Variants in BCAS3 observed in about 807,000 individuals in gnomAD.
BCAS3 encodes BCAS4/BCAS3 fusion.
A neutral mutation model predicts 116.1 loss-of-function variants in BCAS3; 53 were observed. The observed-to-expected ratio is 0.46, with a 90% CI of 0.37 to 0.57. The LOEUF (loss-of-function observed/expected upper bound fraction) is 0.57. Among genes scored for constraint, BCAS3 ranks in the 20% least tolerant of loss-of-function variants. The pLI, the probability that BCAS3 is intolerant of heterozygous loss-of-function variation, is 0.00. For synonymous variants in BCAS3, 391 were observed against 408.2 expected (o/e 0.96, Z 0.51); for missense variants, 917 against 1,165.4 (o/e 0.79, Z 3.10).
chr17:61,123,347 T>C (rs1265972596), intron 22 of BCAS3, among the ~76,000 whole-genome samples: 1 of 152,164 alleles, frequency 6.6e-6, no homozygotes, highest in Non-Finnish European at 1.5e-5. Flanking sequence ...CCAATATCGC[T>C]GTTCCCCCAG....
intron 14 of BCAS3, among the ~76,000 whole-genome samples, chr17:60,966,214 G>A (rs2061652712): frequency 6.6e-6 from 1 of 152,140 alleles, no homozygotes; most frequent in Non-Finnish European, 1.5e-5. Context: ...GTCTATGTGT[G>A]TCTTTATAGG....
chr17:60,846,208 G>T (rs574453497), intron 7 of BCAS3, among the ~76,000 whole-genome samples: 3 of 152,244 alleles, frequency 2.0e-5, no homozygotes, highest in African/African-American at 7.2e-5. Context: ...GGGATTACAG[G>T]CATGAGCCAC....
chr17:61,098,924 A>T lies in BCAS3; in HGVS notation c.2425+14360A>T, dbSNP rs2074142202. 6.6e-6 allele frequency among the ~76,000 whole-genome samples: 1 copy of T among 152,036 alleles called. No homozygotes were observed. The highest frequency in any genetic ancestry group is 1.5e-5 in the Non-Finnish European group (1 of 68,010). On this transcript the variant is annotated intron_variant, in intron 22 of 23. Transcript: ENST00000407086. The surrounding 1 kb of genome is among the most constrained non-coding windows in gnomAD (Gnocchi z 4.2). ...GTGATCACCAGGTCAGGAGATCGAG[A>T]TCATCCTGGCTAACACGGTGAAACC...
intron 7 of BCAS3, among the ~76,000 whole-genome samples, chr17:60,817,298 A>C (rs919869255): frequency 6.6e-6 from 1 of 152,238 alleles, no homozygotes; most frequent in African/African-American, 2.4e-5. Context: ...GTCTTGTGTA[A>C]TAATGTGAGA....
Position 60,863,021 on chromosome 17 carries a change from C to T in BCAS3, c.477-5555C>T, listed in dbSNP as rs570110614. 3.9e-5 allele frequency among the ~76,000 whole-genome samples: 6 copies of T among 152,170 alleles called. No individual in the cohort carries two copies. The East Asian group carries it at 5.8e-4, about 15-fold the overall frequency. On this transcript the variant is annotated intron_variant, in intron 7 of 23. Coordinates refer to ENST00000407086, the MANE Select transcript of BCAS3 (RefSeq NM_017679.5). The stretch of plus-strand genomic sequence containing the variant: ...CAAGAAATAGGTTACAAAGATTTTT[C>T]TCCTGTAGTTTGTCCTTGACACATA...
At chr17:60,881,323 AT>A (rs1192235767) in intron 9 of BCAS3, among the ~76,000 whole-genome samples, 1 of 152,060 alleles carries the variant, frequency 6.6e-6, no homozygotes, top group African/African-American at 2.4e-5. Context: ...TTAAATTTGC[AT>A]TTGTTTTGAT....
At position 60,787,221 on chromosome 17, in the gene BCAS3, A is replaced by G. The variant is rs967047445; in HGVS notation, c.404-20783A>G. ...GTAGTTTGAGTTTTGACAAATGTGT[A>G]TACAGTTGTAATCTATACCCCTGTA... is the stretch of plus-strand genomic sequence containing the variant. On this transcript the variant is annotated intron_variant, in intron 6 of 23. Transcript: ENST00000407086. Among the ~76,000 whole-genome samples, 4 of 152,330 alleles carry G rather than the reference A, an allele frequency of 2.6e-5. No individual in the cohort carries two copies. The East Asian group carries it at 7.7e-4, about 29-fold the overall frequency.
chr17:61,386,803 T>A (rs59467948), intron 23 of BCAS3, among the ~76,000 whole-genome samples: 1 of 148,020 alleles, frequency 6.8e-6, no homozygotes, highest in African/African-American at 2.5e-5. Flanking sequence ...TTTGTTTTTT[T>A]TTTTTTTTTT....
chr17:61,220,813 T>C lies in BCAS3; in HGVS notation c.2425+136249T>C, dbSNP rs1354866407. On this transcript the variant is annotated intron_variant, in intron 22 of 23. Transcript: ENST00000407086. The surrounding 1 kb of genome is among the most constrained non-coding windows in gnomAD (Gnocchi z 4.5). ...ATGTCTGTGTTCCACCTAGAAAGTG[T>C]AGTTCGGCTGGGCGCGGTGGCTCAC... is the stretch of plus-strand genomic sequence containing the variant. Among the ~76,000 whole-genome samples, 1 of 151,972 alleles carries C rather than the reference T, an allele frequency of 6.6e-6. No individual in the cohort carries two copies. Among genetic ancestry groups the C allele is most frequent in the Non-Finnish European group, 1.5e-5 (1 of 67,946 alleles).
rs2049059737 is a variant in BCAS3 at position 61,259,971 on chromosome 17, G to A, written c.2426-108356G>A. Among the ~76,000 whole-genome samples the A allele has an allele frequency of 1.3e-5, 2 of 152,204 alleles. No homozygotes were observed. The highest frequency in any genetic ancestry group is 4.8e-5 in the African/African-American group (2 of 41,444). On this transcript the variant is annotated intron_variant, in intron 22 of 23. Coordinates refer to ENST00000407086, the MANE Select transcript of BCAS3 (RefSeq NM_017679.5). This position sits in a 1 kb window ranked among gnomAD's most constrained non-coding sequence, Gnocchi z 4.7. ...GTGTGAGGTAGGCGTTGTACAGGCT[G>A]CCTAACATAGTTTTTTATTAATCCT...
intron 19 of BCAS3, among the ~76,000 whole-genome samples, chr17:61,059,805 C>G (rs912953107): frequency 5.9e-5 from 9 of 152,224 alleles, no homozygotes; most frequent in Admixed American, 2.6e-4. Flanking sequence ...TTGGGCAGAT[C>G]GCTTGAGTCC....
intron 23 of BCAS3, among the ~76,000 whole-genome samples, chr17:61,382,259 C>CT (rs149187858): frequency 0.099 from 14,402 of 145,452 alleles, 2,063 homozygotes; most frequent in African/African-American, 0.32. Context: ...TGTTTTTTGG[C>CT]TTTTTTTTTT....
chr17:60,765,092 G>A (rs1333691738), intron 6 of BCAS3, among the ~76,000 whole-genome samples: 1 of 152,104 alleles, frequency 6.6e-6, no homozygotes, highest in African/African-American at 2.4e-5. Context: ...GTCTCTGCAT[G>A]TGAGCTGGGT....
chr17:60,733,632 G>C (rs568917210), intron 5 of BCAS3, among the ~76,000 whole-genome samples: 1 of 151,990 alleles, frequency 6.6e-6, no homozygotes. Flanking sequence ...GCTTGAGCCC[G>C]GGAGCTTGAG....
intron 7 of BCAS3, among the ~76,000 whole-genome samples, chr17:60,836,521 G>A (rs1437774915): frequency 1.3e-5 from 2 of 151,746 alleles, no homozygotes; most frequent in African/African-American, 4.8e-5. Context: ...CTTTAATAAT[G>A]TTTTAATATC....
Position 61,106,593 on chromosome 17 carries a change from T to A in BCAS3, c.2425+22029T>A, listed in dbSNP as rs1216046048. Among the ~76,000 whole-genome samples the A allele has an allele frequency of 3.3e-5, 5 of 152,198 alleles. No homozygotes were observed. The highest frequency in any genetic ancestry group is 5.9e-5 in the Non-Finnish European group (4 of 68,040). On this transcript the variant is annotated intron_variant, in intron 22 of 23. Coordinates refer to ENST00000407086, the MANE Select transcript of BCAS3 (RefSeq NM_017679.5). The surrounding 1 kb of genome is among the most constrained non-coding windows in gnomAD (Gnocchi z 4.2). ...TTAAGCAATGCGTGGGTGTATAGTG[T>A]TGGTACTGTCCATGGTTTCAGGCAT...
rs1454899696 is a variant in BCAS3, at chr17:61,013,419, C to T, written c.1487-2332C>T. On this transcript the variant is annotated intron_variant, in intron 15 of 23. Transcript: ENST00000407086. This position sits in a 1 kb window ranked among gnomAD's most constrained non-coding sequence, Gnocchi z 4.4. Reference sequence around the variant, plus strand: ...TAATATTAGCATAGTTGTCTAATAGCGATTTTATAATTATTTACATCTATA... The same window carrying T: ...TAATATTAGCATAGTTGTCTAATAGTGATTTTATAATTATTTACATCTATA... Among the ~76,000 whole-genome samples, 3 of 151,976 alleles carry T rather than the reference C, an allele frequency of 2.0e-5. No individual in the cohort carries two copies. The highest frequency in any genetic ancestry group is 2.1e-4 in the South Asian group (1 of 4,830).
At position 61,316,846 on chromosome 17, in the gene BCAS3, C is replaced by A. The variant is rs968330895; in HGVS notation, c.2426-51481C>A. Among the ~76,000 whole-genome samples, 2 of 152,146 alleles carry A rather than the reference C, an allele frequency of 1.3e-5. No individual in the cohort carries two copies. Among genetic ancestry groups the A allele is most frequent in the Admixed American group, 1.3e-4 (2 of 15,268 alleles). ...TGTAGGTTTATTAAATTAACAGTTG[C>A]AATTTATGTTTAGCGGTTTCCCCAC... On this transcript the variant is annotated intron_variant, in intron 22 of 23. Coordinates refer to ENST00000407086, the MANE Select transcript of BCAS3 (RefSeq NM_017679.5). The surrounding 1 kb of genome is among the most constrained non-coding windows in gnomAD (Gnocchi z 5.8).
chr17:60,774,777 G>A (rs2045107211), intron 6 of BCAS3, among the ~76,000 whole-genome samples: 1 of 152,168 alleles, frequency 6.6e-6, no homozygotes, highest in African/African-American at 2.4e-5. Context: ...GGCAAAAGCA[G>A]CCATTGACAA....
Sources: gnomAD v4.1 joint callset for allele counts (sites outside exome capture counted in the v4.1 genomes callset) on GRCh38, gnomAD v4.1.1 for gene constraint, Gnocchi (gnomAD v3.1) non-coding constraint, MANE v1.5 for transcripts, NCBI Gene and HGNC (gene_info 2026-07-23, HGNC 2026-07-21) for gene names.